Variants in USP15 observed in about 807,000 individuals in gnomAD.
USP15 encodes the protein ubiquitin specific peptidase 15.
Under a neutral mutation model 127.1 loss-of-function variants are expected in USP15, and 18 were observed. That is an observed-to-expected ratio of 0.14 (90% CI 0.10 to 0.21). The LOEUF (loss-of-function observed/expected upper bound fraction) is 0.21. Among genes scored for constraint, USP15 ranks in the 10% least tolerant of loss-of-function variants. The pLI, the probability that USP15 is intolerant of heterozygous loss-of-function variation, is 1.00. For missense variants in USP15, 805 were observed against 1,159.9 expected (o/e 0.69, Z 4.44); for synonymous variants, 364 against 393.7 (o/e 0.92, Z 0.89).
At chr12:62,367,267 T>C (rs1359993029) in intron 8 of USP15, among the ~76,000 whole-genome samples, 5 of 151,894 alleles carry the variant, frequency 3.3e-5, no homozygotes, top group Admixed American at 2.0e-4. Flanking sequence ...AGTCTCACTC[T>C]GTCGCCCAGG....
intron 8 of USP15, among the ~76,000 whole-genome samples, chr12:62,378,132 G>C (rs1038400097): frequency 6.6e-6 from 1 of 151,984 alleles, no homozygotes; most frequent in African/African-American, 2.4e-5. Context: ...GCTTGAACTC[G>C]GGAGGTGGAG....
chr12:62,313,490 G>A (rs533961287), intron 3 of USP15, among the ~76,000 whole-genome samples: 23 of 151,520 alleles, frequency 1.5e-4, no homozygotes, highest in Non-Finnish European at 3.1e-4. Flanking sequence ...CTACTTTAAT[G>A]TAGTTTATTT....
At position 62,314,958 on chromosome 12, in the gene USP15, G is replaced by C. The variant is rs201976854; in HGVS notation, c.475+42G>C. 3 of 1,467,522 alleles carry C rather than the reference G, an allele frequency of 2.0e-6. No homozygotes were observed. The East Asian group carries it at 7.6e-5, about 37-fold the overall frequency. 90.9% of individuals were successfully genotyped at this position (1,467,522 alleles called of 1,614,324 possible). On this transcript the variant is annotated intron_variant, in intron 4 of 21. Transcript: ENST00000280377. ...TCTTGTTTTTAATCCATTGCTATTAGATATTTAATTAGAATTATCTTTGTA... is the reference window on the plus strand; with the variant it reads ...TCTTGTTTTTAATCCATTGCTATTACATATTTAATTAGAATTATCTTTGTA...
At chr12:62,292,095 C>T (rs1467065904) in intron 1 of USP15, among the ~76,000 whole-genome samples, 2 of 134,200 alleles carry the variant, frequency 1.5e-5, no homozygotes, top group African/African-American at 5.6e-5. Context: ...AGAGGGGAGT[C>T]ATTGGGCCAC....
At position 62,389,635 on chromosome 12, in the gene USP15, T is replaced by C; in HGVS notation, c.1588T>C (p.Phe530Leu). The C allele has an allele frequency of 6.2e-7, 1 of 1,613,318 alleles. No individual in the cohort carries two copies. Among genetic ancestry groups the C allele is most frequent in the Non-Finnish European group, 8.5e-7 (1 of 1,179,566 alleles). The change falls in exon 13 of 22, where the codon TTT becomes CTT. Residue 530 changes from phenylalanine to leucine, a missense_variant. Transcript: ENST00000280377. Reference protein sequence around the residue: ...MIVTDIYNHRFHRIFAMDENL... With the variant: ...MIVTDIYNHRLHRIFAMDENL... ...AGTTACTGATATATACAATCATAGA[T>C]TTCACAGAATATTCGCTATGGATGA... is the stretch of plus-strand genomic sequence containing the variant.
intron 11 of USP15, among the ~76,000 whole-genome samples, chr12:62,384,971 A>C (rs1344553054): frequency 6.6e-6 from 1 of 151,872 alleles, no homozygotes; most frequent in Non-Finnish European, 1.5e-5. Flanking sequence ...TTAATCAGTT[A>C]ATCCTCTTCT....
intron 6 of USP15, among the ~76,000 whole-genome samples, chr12:62,344,898 A>T (rs2065766239): frequency 6.6e-6 from 1 of 152,208 alleles, no homozygotes; most frequent in Non-Finnish European, 1.5e-5. Flanking sequence ...AACACAGGGT[A>T]CCAAGTCCCT....
rs753767001 is a variant in USP15, at chr12:62,314,887, C to T, written c.446C>T (p.Thr149Ile). ...AATGGAAACATGAATAATGTTGTAA[C>T]TCGAAGATTTAGCAAAGCTGACACA... ...CENGNMNNVV[T>I]RRFSKADTID... The change falls in exon 4 of 22, where the codon ACT becomes ATT. Residue 149 changes from threonine to isoleucine, a missense_variant. Physicochemically the swap from Thr to Ile is moderately conservative, Grantham distance 89. Transcript: ENST00000280377. 7.5e-6 allele frequency: 12 copies of T among 1,591,414 alleles called. No homozygotes were observed. The African/African-American group carries it at 9.5e-5, about 13-fold the overall frequency.
chr12:62,328,970 A>G (rs925679340), intron 6 of USP15, among the ~76,000 whole-genome samples: 5 of 152,008 alleles, frequency 3.3e-5, no homozygotes, highest in African/African-American at 9.7e-5. Flanking sequence ...GGCTATTTGG[A>G]AAAAAAAGCT....
At chr12:62,318,372 A>G (rs1405063169) in intron 4 of USP15, among the ~76,000 whole-genome samples, 3 of 152,194 alleles carry the variant, frequency 2.0e-5, no homozygotes, top group Admixed American at 6.6e-5. Flanking sequence ...CAGTGGTAAT[A>G]TAGAAATCTT....
intron 4 of USP15, among the ~76,000 whole-genome samples, chr12:62,317,738 T>C (rs1943432338): frequency 1.3e-5 from 2 of 152,206 alleles, no homozygotes; most frequent in Non-Finnish European, 2.9e-5. Flanking sequence ...TAATAAAATA[T>C]TCTGTTTTCA....
chr12:62,393,262 C>A, intron 19 of USP15, 60 bp downstream of exon 19: 2 of 1,563,794 alleles, frequency 1.3e-6, no homozygotes, highest in South Asian at 1.2e-5. Context: ...TTATTTGATG[C>A]TTTTTGTTAT....
chr12:62,272,319 A>G (rs2063361696), intron 1 of USP15, among the ~76,000 whole-genome samples: 1 of 151,936 alleles, frequency 6.6e-6, no homozygotes, highest in Non-Finnish European at 1.5e-5. Flanking sequence ...TTTACTTATA[A>G]AAGGACTGCC....
At chr12:62,303,369 A>G (rs768436449) in intron 3 of USP15, 3 of 153,082 alleles carry the variant, frequency 2.0e-5, no homozygotes, top group Non-Finnish European at 2.9e-5. Context: ...TTTTTTTCAT[A>G]TCCTTTAACA....
At chr12:62,375,067 T>C (rs920046615) in intron 8 of USP15, among the ~76,000 whole-genome samples, 4 of 152,128 alleles carry the variant, frequency 2.6e-5, no homozygotes, top group Admixed American at 6.6e-5. Context: ...TTGAACCATA[T>C]CACAGAGTGT....
intron 1 of USP15, among the ~76,000 whole-genome samples, chr12:62,265,623 T>G (rs1485643194): frequency 6.6e-6 from 1 of 152,208 alleles, no homozygotes; most frequent in Non-Finnish European, 1.5e-5. Context: ...CATAGCTCAC[T>G]GTAGCTTCAA....
intron 2 of USP15, among the ~76,000 whole-genome samples, chr12:62,298,644 A>G (rs567660744): frequency 6.6e-6 from 1 of 152,140 alleles, no homozygotes; most frequent in East Asian, 1.9e-4. Flanking sequence ...TAGCCTGGCG[A>G]CAGAGCAAGA....
intron 6 of USP15, among the ~76,000 whole-genome samples, chr12:62,331,202 T>C (rs532725424): frequency 9.8e-5 from 15 of 152,326 alleles, no homozygotes; most frequent in Admixed American, 2.6e-4. Context: ...AGTTCCTAGC[T>C]AGGGTGTCAA....
intron 7 of USP15, among the ~76,000 whole-genome samples, chr12:62,349,566 G>A (rs764010414): frequency 3.3e-5 from 5 of 151,866 alleles, no homozygotes; most frequent in Non-Finnish European, 7.4e-5. Flanking sequence ...ATATTTAGAA[G>A]TTTGTTAGAA....
Sources: allele counts gnomAD v4.1 joint callset (sites outside exome capture counted in the v4.1 genomes callset), GRCh38; gene constraint gnomAD v4.1.1; transcripts MANE v1.5; gene names NCBI Gene and HGNC (gene_info 2026-07-23, HGNC 2026-07-21).